The following NALF1 variants were observed in gnomAD, a reference collection of about 807,000 sequenced individuals.
NALF1 encodes NALCN channel auxiliary factor 1.
A neutral mutation model predicts 48.4 loss-of-function variants in NALF1; 3 were observed. The observed-to-expected ratio is 0.06, with a 90% CI of 0.03 to 0.16. NALF1 has a LOEUF of 0.16. NALF1 is among the 10% of genes least tolerant of loss of function. NALF1 has a pLI of 1.00. For missense variants in NALF1, 526 were observed against 571.5 expected, an observed-to-expected ratio of 0.92 and a Z score of 0.81; for synonymous variants, 262 against 245.7, an observed-to-expected ratio of 1.07 and a Z score of -0.62.
intron 1 of NALF1, among the ~76,000 whole-genome samples, chr13:107,688,816 A>T (rs1594208202): frequency 1.3e-5 from 2 of 152,206 alleles, no homozygotes; most frequent in Admixed American, 1.3e-4. Context: ...CTGAATACAT[A>T]GAGGTCAGAG....
intron 1 of NALF1, among the ~76,000 whole-genome samples, chr13:107,570,375 T>G (rs1025193213): frequency 6.6e-6 from 1 of 152,056 alleles, no homozygotes; most frequent in Non-Finnish European, 1.5e-5. Context: ...CTATTCCTAG[T>G]ATAATGACAA....
chr13:107,610,437 C>T (rs2138431662), intron 1 of NALF1, among the ~76,000 whole-genome samples: 1 of 151,692 alleles, frequency 6.6e-6, no homozygotes, highest in Non-Finnish European at 1.5e-5. Flanking sequence ...ATCTCTAAAA[C>T]ATAATTTCAA....
intron 1 of NALF1, among the ~76,000 whole-genome samples, chr13:107,838,706 CTA>C (rs1183884710): frequency 6.6e-6 from 1 of 152,066 alleles, no homozygotes; most frequent in Non-Finnish European, 1.5e-5. Flanking sequence ...CACCTCCACC[CTA>C]GTCTTTCCCT....
intron 1 of NALF1, among the ~76,000 whole-genome samples, chr13:107,627,463 CGAG>C (rs1166331135): frequency 6.6e-6 from 1 of 151,996 alleles, no homozygotes; most frequent in Non-Finnish European, 1.5e-5. Flanking sequence ...TTACCATGAG[CGAG>C]GAGAAGGCTG....
chr13:107,248,782 T>C (rs1171984594), intron 1 of NALF1, among the ~76,000 whole-genome samples: 1 of 151,368 alleles, frequency 6.6e-6, no homozygotes, highest in Non-Finnish European at 1.5e-5. Context: ...TTTGATAATA[T>C]ACAAATTTTG....
At chr13:107,717,759 C>G (rs1443842738) in intron 1 of NALF1, among the ~76,000 whole-genome samples, 2 of 152,128 alleles carry the variant, frequency 1.3e-5, no homozygotes, top group East Asian at 3.9e-4. Flanking sequence ...CTCTTTCTCC[C>G]CATCCCAAAT....
chr13:107,791,341 C>T (rs1365676940), intron 1 of NALF1, among the ~76,000 whole-genome samples: 1 of 152,068 alleles, frequency 6.6e-6, no homozygotes, highest in East Asian at 1.9e-4. Context: ...AAACTATGTA[C>T]CTGTCTATCA....
intron 1 of NALF1, among the ~76,000 whole-genome samples, chr13:107,661,545 T>C (rs2138477527): frequency 6.6e-6 from 1 of 151,810 alleles, no homozygotes; most frequent in South Asian, 2.1e-4. Context: ...ATGAAAGGCC[T>C]AACAGAGAAG....
rs550595183 is a variant in NALF1, at chr13:107,858,477, G to A, written c.915+7205C>T. ...AAGCCAAGGTGGGAGCATCACCCGA[G>A]GTGGAGAGTTCAAGACCTGGCCAAC... On this transcript the variant is annotated intron_variant, in intron 1 of 2. Coordinates refer to ENST00000375915, the MANE Select transcript of NALF1 (RefSeq NM_001080396.3). 7.9e-5 allele frequency among the ~76,000 whole-genome samples: 12 copies of A among 152,260 alleles called. No individual in the cohort carries two copies. The South Asian group carries it at 2.5e-3, about 31-fold the overall frequency.
chr13:107,377,762 C>A (rs1182692349), intron 1 of NALF1, among the ~76,000 whole-genome samples: 1 of 152,142 alleles, frequency 6.6e-6, no homozygotes. Context: ...AGCTGTTTTT[C>A]AAAGTTACAT....
At chr13:107,721,751 C>T (rs1276353735) in intron 1 of NALF1, among the ~76,000 whole-genome samples, 1 of 152,142 alleles carries the variant, frequency 6.6e-6, no homozygotes, top group East Asian at 1.9e-4. Context: ...TTATAATGAT[C>T]GTACTGCCTA....
chr13:107,528,047 C>A (rs1267854956), intron 1 of NALF1, among the ~76,000 whole-genome samples: 1 of 151,998 alleles, frequency 6.6e-6, no homozygotes, highest in Non-Finnish European at 1.5e-5. Context: ...AGGAATATAA[C>A]TGAAAGAACA....
intron 1 of NALF1, among the ~76,000 whole-genome samples, chr13:107,626,430 G>A (rs1879675633): frequency 6.6e-6 from 1 of 151,916 alleles, no homozygotes; most frequent in Admixed American, 6.6e-5. Context: ...CCCAAAAGAA[G>A]AAAGGAAATC....
chr13:107,508,164 T>C (rs16970382), intron 1 of NALF1, among the ~76,000 whole-genome samples: 9,529 of 152,160 alleles, frequency 0.063, 687 homozygotes, highest in African/African-American at 0.18. Context: ...AGATGGTAAA[T>C]GTTAGAGGAT....
intron 1 of NALF1, among the ~76,000 whole-genome samples, chr13:107,463,530 T>C (rs1393021184): frequency 2.6e-5 from 4 of 152,240 alleles, no homozygotes; most frequent in African/African-American, 9.6e-5. Flanking sequence ...GAAAGTTTTG[T>C]TGCTGTTGTT....
At chr13:107,765,347 G>C (rs1047034661) in intron 1 of NALF1, among the ~76,000 whole-genome samples, 1 of 151,966 alleles carries the variant, frequency 6.6e-6, no homozygotes, top group Admixed American at 6.6e-5. Flanking sequence ...AGTCCAACAG[G>C]GTTTCTAATT....
intron 1 of NALF1, among the ~76,000 whole-genome samples, chr13:107,241,385 G>GAGGAAGCTGCGATAATAACAGC (rs1278326545): frequency 6.6e-6 from 1 of 152,190 alleles, no homozygotes; most frequent in Non-Finnish European, 1.5e-5. Flanking sequence ...TGGGGTCATA[G>GAGGAAGCTGCGATAATAACAGC]AGGAAGCTGC....
rs537456842 is a variant in NALF1 at position 107,466,276 on chromosome 13, C to A, written c.916-255521G>T. On this transcript the variant is annotated intron_variant, in intron 1 of 2. Coordinates refer to ENST00000375915, the MANE Select transcript of NALF1 (RefSeq NM_001080396.3). ...AAGATGAGATTTGGATGGGACACTG[C>A]CAAACCATATCAATGACCCAGTCAC... The A allele has an allele frequency of 2.0e-5, 3 of 152,302 alleles. No homozygotes were observed. In the East Asian group the frequency reaches 5.8e-4, roughly 29 times the overall value. 9.4% of individuals were successfully genotyped at this position (152,302 alleles called of 1,614,324 possible). A position where few individuals can be genotyped will look rare whatever the true frequency, so the allele number is the denominator to read the frequency against.
intron 1 of NALF1, among the ~76,000 whole-genome samples, chr13:107,504,231 A>G: frequency 1.3e-5 from 2 of 150,084 alleles, no homozygotes; most frequent in Non-Finnish European, 3.0e-5. Flanking sequence ...AGCCTGGACT[A>G]CAGAGTGAGG....
Sources: gnomAD v4.1 joint callset for allele counts (sites outside exome capture counted in the v4.1 genomes callset) on GRCh38, gnomAD v4.1.1 for gene constraint, MANE v1.5 for transcripts, NCBI Gene and HGNC (gene_info 2026-07-23, HGNC 2026-07-21) for gene names.